The following STS variants were observed in gnomAD, a reference collection of about 807,000 sequenced individuals.
STS encodes the protein steryl-sulfatase.
In STS, 7 loss-of-function variants were observed where a neutral mutation model predicts 26.8. The observed-to-expected ratio is 0.26, with a 90% CI of 0.15 to 0.49. The LOEUF is 0.49. Ranked by LOEUF, STS falls within the 20% of genes least tolerant of loss-of-function variation. The probability of loss-of-function intolerance (pLI) is 0.98; values close to 1 mark genes in which losing one functional copy is unlikely to be tolerated. For synonymous variants in STS, 199 were observed against 189.4 expected (o/e 1.05, Z -0.42); for missense variants, 434 against 465.6 (o/e 0.93, Z 0.63).
At chrX:7,322,642 C>T (rs1927095550) in intron 8 of STS, among the ~76,000 whole-genome samples, 1 of 111,974 alleles carries the variant, frequency 8.9e-6, no homozygotes, top group Admixed American at 9.5e-5. Flanking sequence ...CTCAGGTGAT[C>T]CACCCGTCTT....
intron 2 of STS, among the ~76,000 whole-genome samples, chrX:7,250,282 A>G (rs983131661): frequency 5.5e-5 from 6 of 109,885 alleles, no homozygotes; most frequent in Non-Finnish European, 3.8e-5. Context: ...GGGATACATG[A>G]TTTGCAAGAC....
At chrX:7,174,300 C>G (rs1384290767) in intron 1 of STS, among the ~76,000 whole-genome samples, 1 of 111,431 alleles carries the variant, frequency 9.0e-6, no homozygotes, top group African/African-American at 3.3e-5. Flanking sequence ...ACTGATAAGA[C>G]TGATGAGAAA....
At chrX:7,149,742 G>GT (rs1381746902) in intron 1 of STS, among the ~76,000 whole-genome samples, 1 of 111,847 alleles carries the variant, frequency 8.9e-6, no homozygotes, top group Non-Finnish European at 1.9e-5. Context: ...TCTGAGGGCT[G>GT]TGAGGAAAGG....
intron 2 of STS, among the ~76,000 whole-genome samples, chrX:7,210,667 A>G (rs1921004046): frequency 9.3e-6 from 1 of 107,515 alleles, no homozygotes; most frequent in Admixed American, 1.0e-4. Flanking sequence ...TATTTAATAT[A>G]TACTAGGTGT....
intron 8 of STS, among the ~76,000 whole-genome samples, chrX:7,320,016 ATATATATTTATATATATATTTATATAT>A (rs1335509726): frequency 4.3e-5 from 4 of 92,873 alleles, no homozygotes; most frequent in African/African-American, 1.6e-4. Flanking sequence ...ATATATATTT[ATATATATTTATATATATATTTATATAT>A]TATATATATT....
At chrX:7,289,898 A>T (rs1925328851) in intron 7 of STS, among the ~76,000 whole-genome samples, 1 of 111,223 alleles carries the variant, frequency 9.0e-6, no homozygotes, top group Non-Finnish European at 1.9e-5. Flanking sequence ...CAGTCAGTTC[A>T]CCCACCTCAG....
At chrX:7,287,219 G>A (rs1925175120) in intron 7 of STS, among the ~76,000 whole-genome samples, 2 of 111,075 alleles carry the variant, frequency 1.8e-5, no homozygotes, top group Admixed American at 9.6e-5. Context: ...GAGATAGCAT[G>A]TCACATACCA....
chrX:7,156,599 C>A (rs1321894989), intron 1 of STS, among the ~76,000 whole-genome samples: 1 of 111,705 alleles, frequency 9.0e-6, no homozygotes, highest in African/African-American at 3.3e-5. Context: ...CAATAAATTT[C>A]CATGACTCCT....
At chrX:7,219,140 G>C (rs752568663) in intron 2 of STS, among the ~76,000 whole-genome samples, 2 of 111,798 alleles carry the variant, frequency 1.8e-5, no homozygotes, top group Non-Finnish European at 3.8e-5. Flanking sequence ...GAAATGCCTG[G>C]TCATTGACCC....
intron 1 of STS, among the ~76,000 whole-genome samples, chrX:7,180,856 A>T (rs1394956909): frequency 1.8e-5 from 2 of 112,298 alleles, no homozygotes; most frequent in Non-Finnish European, 3.8e-5. Flanking sequence ...TCACTTTTTT[A>T]AAATCCACAC....
At chrX:7,166,335 A>G (rs1245840430) in intron 1 of STS, among the ~76,000 whole-genome samples, 2 of 110,533 alleles carry the variant, frequency 1.8e-5, no homozygotes, top group Admixed American at 1.9e-4. Context: ...GCTTCATTTA[A>G]TACTTTTCTC....
chrX:7,191,951 TA>T (rs1933882128), intron 2 of STS, among the ~76,000 whole-genome samples: 1 of 112,117 alleles, frequency 8.9e-6, no homozygotes, highest in South Asian at 3.7e-4. Flanking sequence ...AACATAGTTT[TA>T]AAAGCCCCTG....
At chrX:7,165,892 A>G (rs1021421662) in intron 1 of STS, among the ~76,000 whole-genome samples, 34 of 111,400 alleles carry the variant, frequency 3.1e-4, no homozygotes, top group African/African-American at 9.8e-4. Flanking sequence ...GGGCCCTGGC[A>G]AGAACCACTG....
intron 2 of STS, among the ~76,000 whole-genome samples, chrX:7,232,075 G>T: frequency 8.9e-6 from 1 of 111,848 alleles, no homozygotes; most frequent in East Asian, 2.8e-4. Flanking sequence ...CTATTAGGGT[G>T]CTATGGCATA....
intron 2 of STS, among the ~76,000 whole-genome samples, chrX:7,195,332 G>C (rs746745357): frequency 8.9e-6 from 1 of 111,900 alleles, no homozygotes; most frequent in African/African-American, 3.2e-5. Flanking sequence ...CTCTAGAGTT[G>C]TCTCAGGATT....
At position 7,350,038 on chromosome X, in the gene STS, G is replaced by T; in HGVS notation, c.1514G>T (p.Arg505Ile). The T allele has an allele frequency of 2.5e-6, 3 of 1,211,787 alleles. No individual in the cohort carries two copies. Among genetic ancestry groups the T allele is most frequent in the Non-Finnish European group, 3.4e-6 (3 of 895,473 alleles). The change falls in exon 11 of 11, where the codon AGA becomes ATA. Residue 505 changes from arginine (R) to isoleucine (I), a missense_variant. Transcript: ENST00000674429. Reference sequence around the variant, plus strand: ...CTCTTTGATATTTCCAAAGATCCCAGAGAGAGAAACCCACTAACTCCAGCA... The same window carrying T: ...CTCTTTGATATTTCCAAAGATCCCATAGAGAGAAACCCACTAACTCCAGCA... ...PLLFDISKDP[R>I]ERNPLTPASE...
intron 7 of STS, among the ~76,000 whole-genome samples, chrX:7,302,540 A>G (rs753587027): frequency 9.8e-5 from 11 of 111,862 alleles, no homozygotes; most frequent in Non-Finnish European, 2.1e-4. Flanking sequence ...TATGACATTT[A>G]CATATATGGT....
chrX:7,275,919 T>C, intron 6 of STS, 32 bp from the exon 7 acceptor site: 1 of 1,158,630 alleles, frequency 8.6e-7, no homozygotes, highest in South Asian at 1.9e-5. Flanking sequence ...TGTGGTCTTT[T>C]TTTTCCTCCC....
chrX:7,253,185 G>A lies in STS; in HGVS notation c.-4-11G>A, dbSNP rs144194433. ...TCCTTCAGTTCCTTTTTGTGTCCTT[G>A]TCCTTTACAGGAAGATGAAGATCCC... is the stretch of plus-strand genomic sequence containing the variant. On this transcript the variant is annotated splice_polypyrimidine_tract_variant and intron_variant, in intron 2 of 10. Coordinates refer to ENST00000674429, the MANE Select transcript of STS (RefSeq NM_001320752.2). 1.7e-5 allele frequency: 21 copies of A among 1,208,632 alleles called. No homozygotes were observed. In the African/African-American group the frequency reaches 2.8e-4, roughly 16 times the overall value.
Sources: allele counts gnomAD v4.1 joint callset (sites outside exome capture counted in the v4.1 genomes callset), GRCh38; gene constraint gnomAD v4.1.1; transcripts MANE v1.5; gene names NCBI Gene and HGNC (gene_info 2026-07-23, HGNC 2026-07-21).